Variants in FBXL17 observed in about 807,000 individuals in gnomAD.
FBXL17 encodes F-box and leucine rich repeat protein 17.
Under a neutral mutation model 66.2 loss-of-function variants are expected in FBXL17, and 22 were observed. That is an observed-to-expected ratio of 0.33 (90% CI 0.24 to 0.47). The LOEUF (loss-of-function observed/expected upper bound fraction) is 0.47. Ranked by LOEUF, FBXL17 falls within the 20% of genes least tolerant of loss-of-function variation. The pLI is 1.00. For missense variants in FBXL17, 878 were observed against 948.2 expected, an observed-to-expected ratio of 0.93 and a Z score of 0.97; for synonymous variants, 474 against 400.5, an observed-to-expected ratio of 1.18 and a Z score of -2.19.
chr5:108,336,167 A>T (rs1454685877), intron 4 of FBXL17, among the ~76,000 whole-genome samples: 23 of 152,188 alleles, frequency 1.5e-4, no homozygotes, highest in Admixed American at 1.5e-3. Context: ...CTAGAAACTA[A>T]AAACTAAAAA....
chr5:107,864,934 A>C (rs1748230754), intron 8 of FBXL17, among the ~76,000 whole-genome samples: 1 of 152,214 alleles, frequency 6.6e-6, no homozygotes, highest in Non-Finnish European at 1.5e-5. Flanking sequence ...CCCATGCTGC[A>C]GTTAGATGAC....
chr5:107,958,511 T>A (rs139520747), intron 7 of FBXL17, among the ~76,000 whole-genome samples: 1 of 152,232 alleles, frequency 6.6e-6, no homozygotes, highest in East Asian at 1.9e-4. Context: ...TTTCCTTCTA[T>A]AGTTTGCCAG....
chr5:108,207,831 T>C lies in FBXL17; in HGVS notation c.1614+16290A>G, dbSNP rs1032039619. ...AGAATGATTTATAATCCTTTGGGTA[T>C]ATACCCAGTAATGGGATTGCTGGGT... On this transcript the variant is annotated intron_variant, in intron 5 of 8. Transcript: ENST00000542267. Among the ~76,000 whole-genome samples, 5 of 152,350 alleles carry C rather than the reference T, an allele frequency of 3.3e-5. 1 individual carries two copies. The South Asian group carries it at 8.3e-4, about 25-fold the overall frequency.
At chr5:107,880,400 G>A (rs1297462769) in intron 8 of FBXL17, 1 of 986,438 alleles carries the variant, frequency 1.0e-6, no homozygotes, top group African/African-American at 1.7e-5. Flanking sequence ...AGTCTTCAAA[G>A]GGTCCCACGT....
rs551239729 is a variant in FBXL17, at chr5:108,369,342, C to A, written c.994-1389G>T. 1.1e-4 allele frequency among the ~76,000 whole-genome samples: 17 copies of A among 152,296 alleles called. No individual in the cohort carries two copies. The South Asian group carries it at 3.3e-3, about 30-fold the overall frequency. On this transcript the variant is annotated intron_variant, in intron 1 of 8. Transcript: ENST00000542267. Reference sequence around the variant, plus strand: ...CTTTCTGGACCGAACCAATGTATATCTTATGTCTCATGTCTCCCTAAAATG... The same window carrying A: ...CTTTCTGGACCGAACCAATGTATATATTATGTCTCATGTCTCCCTAAAATG...
At chr5:108,108,781 T>G (rs1164489314) in intron 6 of FBXL17, among the ~76,000 whole-genome samples, 1 of 127,158 alleles carries the variant, frequency 7.9e-6, no homozygotes, top group Non-Finnish European at 1.6e-5. Context: ...TCACACTTTG[T>G]TTTTGTTTTT....
intron 6 of FBXL17, among the ~76,000 whole-genome samples, chr5:108,092,314 T>C (rs752566510): frequency 6.6e-6 from 1 of 152,104 alleles, no homozygotes; most frequent in Non-Finnish European, 1.5e-5. Flanking sequence ...GTCTCTTTAT[T>C]AGTTTTTTTT....
chr5:108,227,043 A>G (rs1028778543), intron 4 of FBXL17, among the ~76,000 whole-genome samples: 1 of 152,174 alleles, frequency 6.6e-6, no homozygotes, highest in African/African-American at 2.4e-5. Flanking sequence ...CCTTACAACA[A>G]TCTCTAGAAA....
Position 107,969,125 on chromosome 5 carries a change from A to T in FBXL17, c.1822+51800T>A, listed in dbSNP as rs140572197. ...CCTTCCCAGTGCAATGACACAGTGG[A>T]GTGGCAGCAGCAGAGACTAGGTGGC... is the stretch of plus-strand genomic sequence containing the variant. On this transcript the variant is annotated intron_variant, in intron 7 of 8. Coordinates refer to ENST00000542267, the MANE Select transcript of FBXL17 (RefSeq NM_001163315.3). 3.7e-3 allele frequency among the ~76,000 whole-genome samples: 562 copies of T among 152,244 alleles called. 3 individuals carry two copies. Among genetic ancestry groups the T allele is most frequent in the African/African-American group, 0.012 (506 of 41,546 alleles).
intron 6 of FBXL17, among the ~76,000 whole-genome samples, chr5:108,064,073 T>C (rs574933783): frequency 5.9e-5 from 9 of 152,296 alleles, no homozygotes; most frequent in African/African-American, 2.2e-4. Flanking sequence ...AATAATACTG[T>C]TTAAATATTC....
At chr5:108,028,181 C>T (rs1754901538) in intron 6 of FBXL17, among the ~76,000 whole-genome samples, 1 of 152,046 alleles carries the variant, frequency 6.6e-6, no homozygotes. Context: ...CCATTCTTGT[C>T]CTGAAAAAGA....
rs77734639 is a variant in FBXL17 at position 107,933,440 on chromosome 5, A to G, written c.1823-52261T>C. Reference sequence around the variant, plus strand: ...TTACAAACAATAAATAGTCACTTACATTGGACTTAAGACAATATGAGTTAA... The same window carrying G: ...TTACAAACAATAAATAGTCACTTACGTTGGACTTAAGACAATATGAGTTAA... On this transcript the variant is annotated intron_variant, in intron 7 of 8. Coordinates refer to ENST00000542267, the MANE Select transcript of FBXL17 (RefSeq NM_001163315.3). 3.6e-3 allele frequency among the ~76,000 whole-genome samples: 550 copies of G among 152,272 alleles called. 4 individuals carry two copies. The highest frequency in any genetic ancestry group is 0.011 in the African/African-American group (475 of 41,568).
At position 108,049,577 on chromosome 5, in the gene FBXL17, C is replaced by G. The variant is rs538986596; in HGVS notation, c.1746-28576G>C. The stretch of plus-strand genomic sequence containing the variant: ...CCACCAGGCCTGCCGTGCAAGAGCT[C>G]CTAAAGGAAGCTCTAAATATGGAAA... On this transcript the variant is annotated intron_variant, in intron 6 of 8. Coordinates refer to ENST00000542267, the MANE Select transcript of FBXL17 (RefSeq NM_001163315.3). 1.1e-4 allele frequency among the ~76,000 whole-genome samples: 17 copies of G among 152,182 alleles called. No individual in the cohort carries two copies. In the South Asian group the frequency reaches 3.5e-3, roughly 32 times the overall value.
intron 4 of FBXL17, among the ~76,000 whole-genome samples, chr5:108,231,634 C>T (rs1300321317): frequency 6.6e-6 from 1 of 152,082 alleles, no homozygotes; most frequent in African/African-American, 2.4e-5. Context: ...AGAGACACAA[C>T]AATGATTCCA....
chr5:108,060,911 GATGCAGTGTA>G (rs1389165236), intron 6 of FBXL17, among the ~76,000 whole-genome samples: 2 of 152,082 alleles, frequency 1.3e-5, no homozygotes, highest in East Asian at 3.9e-4. Flanking sequence ...CTTCCCCACA[GATGCAGTGTA>G]ATGCAGGGGG....
At chr5:107,867,507 A>G (rs1748309564) in intron 8 of FBXL17, among the ~76,000 whole-genome samples, 4 of 152,244 alleles carry the variant, frequency 2.6e-5, no homozygotes, top group Admixed American at 2.6e-4. Context: ...CACAGTTCAG[A>G]GGATTTGACT....
chr5:108,049,572 G>C (rs567179876), intron 6 of FBXL17, among the ~76,000 whole-genome samples: 1 of 152,234 alleles, frequency 6.6e-6, no homozygotes, highest in Admixed American at 6.5e-5. Flanking sequence ...TGCCGTGCAA[G>C]AGCTCCTAAA....
rs376800018 is a variant in FBXL17, at chr5:108,251,888, T to C, written c.1507-27660A>G. Reference sequence around the variant, plus strand: ...GCTGAGATATAGACATATTCATTGATACATGTAGATCTATTCCATTAATTT... The same window carrying C: ...GCTGAGATATAGACATATTCATTGACACATGTAGATCTATTCCATTAATTT... On this transcript the variant is annotated intron_variant, in intron 4 of 8. Transcript: ENST00000542267. Among the ~76,000 whole-genome samples, 13 of 152,222 alleles carry C rather than the reference T, an allele frequency of 8.5e-5. No individual in the cohort carries two copies. The South Asian group carries it at 2.5e-3, about 29-fold the overall frequency.
At chr5:108,124,283 A>G (rs1750613265) in intron 6 of FBXL17, among the ~76,000 whole-genome samples, 1 of 152,024 alleles carries the variant, frequency 6.6e-6, no homozygotes, top group South Asian at 2.1e-4. Flanking sequence ...AAGATATGAA[A>G]TATGTTAAAA....
Sources: allele counts gnomAD v4.1 joint callset (sites outside exome capture counted in the v4.1 genomes callset), GRCh38; gene constraint gnomAD v4.1.1; transcripts MANE v1.5; gene names NCBI Gene and HGNC (gene_info 2026-07-23, HGNC 2026-07-21).